The following SYNE3 variants were observed in gnomAD, a reference collection of about 807,000 sequenced individuals.
SYNE3 encodes spectrin repeat containing nuclear envelope family member 3, also known as nesprin-3.
In SYNE3, 100 loss-of-function variants were observed where a neutral mutation model predicts 111.2. The ratio of observed to expected loss-of-function variants is 0.90; its 90% confidence interval spans 0.77 to 1.06. The LOEUF (loss-of-function observed/expected upper bound fraction) is 1.06, where lower values mean the gene tolerates loss of function less well. SYNE3 is among the 50% of genes least tolerant of loss of function. The probability of loss-of-function intolerance (pLI) is 0.00; values close to 1 mark genes in which losing one functional copy is unlikely to be tolerated. For synonymous variants in SYNE3, 547 were observed against 533.9 expected, an observed-to-expected ratio of 1.02 and a Z score of -0.34; for missense variants, 1,160 against 1,240.3, an observed-to-expected ratio of 0.94 and a Z score of 0.97.
intron 1 of SYNE3, among the ~76,000 whole-genome samples, chr14:95,506,385 T>G (rs1246588050): frequency 6.6e-6 from 1 of 152,174 alleles, no homozygotes; most frequent in Non-Finnish European, 1.5e-5. Flanking sequence ...ATGGTCAAGG[T>G]GTGTGGTCTG....
chr14:95,510,393 AG>A (rs1890679495), intron 1 of SYNE3, among the ~76,000 whole-genome samples: 1 of 152,214 alleles, frequency 6.6e-6, no homozygotes, highest in East Asian at 1.9e-4. Flanking sequence ...TCTGAAGCCA[AG>A]CAGTCCTGGA....
At chr14:95,429,807 T>A (rs1885644206) in intron 17 of SYNE3, 1 of 452,736 alleles carries the variant, frequency 2.2e-6, no homozygotes, top group African/African-American at 2.2e-5. Flanking sequence ...TGGTGTGACC[T>A]TCAGAGCTCT....
chr14:95,442,739 T>G (rs1214038670), intron 11 of SYNE3, among the ~76,000 whole-genome samples: 1 of 152,230 alleles, frequency 6.6e-6, no homozygotes, highest in Non-Finnish European at 1.5e-5. Flanking sequence ...CCAGGCCTTG[T>G]GCAGGCTGCA....
rs907423948 is a variant in SYNE3, at chr14:95,486,186, G to T, written c.-14-10351C>A. 6.6e-5 allele frequency among the ~76,000 whole-genome samples: 10 copies of T among 152,234 alleles called. No individual in the cohort carries two copies. The East Asian group carries it at 1.5e-3, about 24-fold the overall frequency. ...GAGCTCCCATCTGCTCTGGGGCAAG[G>T]CTAATCCCAGGTACTGAGCCAGCCC... On this transcript the variant is annotated intron_variant, in intron 1 of 17. Coordinates refer to ENST00000682763, the MANE Select transcript of SYNE3 (RefSeq NM_152592.6).
chr14:95,417,664 A>G lies in SYNE3; in HGVS notation c.*162T>C. ...AAATAGACTAAGACAACACTGTATAAAAAGTAAGTGTCTTCTGGGAACGCT... is the reference window on the plus strand; with the variant it reads ...AAATAGACTAAGACAACACTGTATAGAAAGTAAGTGTCTTCTGGGAACGCT... On this transcript the variant is annotated 3_prime_UTR_variant, in exon 18 of 18. Coordinates refer to ENST00000682763, the MANE Select transcript of SYNE3 (RefSeq NM_152592.6). 1 of 719,834 alleles carries G rather than the reference A, an allele frequency of 1.4e-6. No homozygotes were observed. 44.6% of individuals were successfully genotyped at this position (719,834 alleles called of 1,614,324 possible). A position where few individuals can be genotyped will look rare whatever the true frequency, so the allele number is the denominator to read the frequency against.
intron 8 of SYNE3, among the ~76,000 whole-genome samples, chr14:95,446,419 G>A (rs1886723937): frequency 6.6e-6 from 1 of 152,026 alleles, no homozygotes; most frequent in South Asian, 2.1e-4. Flanking sequence ...CCTCAGCCTT[G>A]GGCACCTGGA....
intron 17 of SYNE3, among the ~76,000 whole-genome samples, chr14:95,419,809 A>C (rs576398718): frequency 5.9e-5 from 2 of 33,620 alleles, no homozygotes; most frequent in Non-Finnish European, 1.3e-4. Context: ...TGTGATGGTG[A>C]TGGTAAGTGT....
At chr14:95,495,508 G>C (rs6575516) in intron 1 of SYNE3, among the ~76,000 whole-genome samples, 1 of 151,702 alleles carries the variant, frequency 6.6e-6, no homozygotes, top group Admixed American at 6.5e-5. Flanking sequence ...AGTTCCCATG[G>C]GTGAGGCCTG....
chr14:95,439,468 C>T, intron 13 of SYNE3, 144 bp downstream of exon 13: 1 of 1,112,854 alleles, frequency 9.0e-7, no homozygotes, highest in Non-Finnish European at 1.3e-6. Flanking sequence ...GAATAGCCAA[C>T]TGGGCCAAAG....
At chr14:95,436,751 A>G in intron 15 of SYNE3, 69 bp downstream of exon 15, 1 of 1,556,164 alleles carries the variant, frequency 6.4e-7, no homozygotes, top group South Asian at 1.2e-5. Flanking sequence ...CTTTTGAAGA[A>G]CTCCCTGGTG....
At chr14:95,433,433 G>A in intron 15 of SYNE3, 24 bp from the exon 16 acceptor site, 1 of 1,612,526 alleles carries the variant, frequency 6.2e-7, no homozygotes, top group African/African-American at 1.3e-5. Context: ...CAGCGTCATG[G>A]TGCGGCTTCC....
chr14:95,456,077 C>A (rs1419187986), intron 5 of SYNE3: 1 of 374,108 alleles, frequency 2.7e-6, no homozygotes, highest in African/African-American at 2.1e-5. Context: ...TGGCTCCGTT[C>A]GGTTTCATTG....
At chr14:95,464,262 A>G (rs547232118) in intron 4 of SYNE3, among the ~76,000 whole-genome samples, 1 of 152,344 alleles carries the variant, frequency 6.6e-6, no homozygotes, top group African/African-American at 2.4e-5. Context: ...CCCATGGGCC[A>G]GAAGTAAAGA....
chr14:95,424,345 A>G (rs1352710872), intron 17 of SYNE3, among the ~76,000 whole-genome samples: 1 of 151,836 alleles, frequency 6.6e-6, no homozygotes, highest in Non-Finnish European at 1.5e-5. Flanking sequence ...TGCCAGGGAG[A>G]GTTACCCATG....
chr14:95,511,982 G>A (rs7144411), intron 1 of SYNE3, among the ~76,000 whole-genome samples: 33,607 of 151,996 alleles, frequency 0.22, 3,888 homozygotes, highest in African/African-American at 0.27. Flanking sequence ...GGTGACCTGA[G>A]GTTCCTTCCA....
At chr14:95,450,486 G>C in intron 7 of SYNE3, 1 of 185,888 alleles carries the variant, frequency 5.4e-6, no homozygotes, top group South Asian at 1.3e-4. Flanking sequence ...ACCAGCCTGG[G>C]CAACATAGCA....
chr14:95,460,501 G>A (rs931254341), intron 4 of SYNE3, among the ~76,000 whole-genome samples: 4 of 151,794 alleles, frequency 2.6e-5, no homozygotes, highest in African/African-American at 7.3e-5. Flanking sequence ...GATTACAGGC[G>A]TGAGCCACCA....
intron 1 of SYNE3, among the ~76,000 whole-genome samples, chr14:95,489,569 T>C (rs1049478962): frequency 6.6e-6 from 1 of 151,516 alleles, no homozygotes; most frequent in Non-Finnish European, 1.5e-5. Flanking sequence ...AAATATAAAC[T>C]ACAATACCTA....
intron 2 of SYNE3, among the ~76,000 whole-genome samples, chr14:95,472,757 A>G (rs969282681): frequency 6.6e-6 from 1 of 152,116 alleles, no homozygotes; most frequent in Non-Finnish European, 1.5e-5. Flanking sequence ...GGGTTCTCCA[A>G]TCACACCTTA....
Sources: gnomAD v4.1 joint callset for allele counts (sites outside exome capture counted in the v4.1 genomes callset) on GRCh38, gnomAD v4.1.1 for gene constraint, MANE v1.5 for transcripts, NCBI Gene and HGNC (gene_info 2026-07-23, HGNC 2026-07-21) for gene names.